Variants in KDM4B observed in about 807,000 individuals in gnomAD.
KDM4B encodes lysine-specific demethylase 4B.
In KDM4B, 32 loss-of-function variants were observed where a neutral mutation model predicts 125.2. The ratio of observed to expected loss-of-function variants is 0.26; its 90% CI spans 0.19 to 0.34. The LOEUF (loss-of-function observed/expected upper bound fraction) is 0.34, where lower values mean the gene tolerates loss of function less well. Ranked by LOEUF, KDM4B falls within the 10% of genes least tolerant of loss-of-function variation. The pLI, the probability that KDM4B is intolerant of heterozygous loss-of-function variation, is 1.00. For missense variants in KDM4B, 1,190 were observed against 1,577.7 expected, an observed-to-expected ratio of 0.75 and a Z score of 4.16; for synonymous variants, 721 against 677.9, an observed-to-expected ratio of 1.06 and a Z score of -0.99.
At position 5,131,154 on chromosome 19, in the gene KDM4B, A is replaced by AGCTGCCGCCCCCGCC; in HGVS notation, c.1395_1409dup (p.Leu466_Pro470dup). ...AAGAGCTTCGGCCTGCTGCCCCCACAGCTGCCGCCCCCGCCTGCTCACTTC... is the reference window on the plus strand; with the variant it reads ...AAGAGCTTCGGCCTGCTGCCCCCACAGCTGCCGCCCCCGCCGCTGCCGCCCCCGCCTGCTCACTTC... On this transcript the variant is annotated inframe_insertion, in exon 12 of 23. Transcript: ENST00000159111. The AGCTGCCGCCCCCGCC allele has an allele frequency of 1.3e-6, 2 of 1,556,794 alleles. No individual in the cohort carries two copies. The highest frequency in any genetic ancestry group is 1.7e-6 in the Non-Finnish European group (2 of 1,151,288).
intron 9 of KDM4B, among the ~76,000 whole-genome samples, chr19:5,098,558 G>A (rs1485913750): frequency 6.6e-6 from 1 of 152,128 alleles, no homozygotes; most frequent in Non-Finnish European, 1.5e-5. Flanking sequence ...CACGAGGTTG[G>A]TCCATCTAGT....
rs568167554 is a variant in KDM4B at position 5,151,322 on chromosome 19, C to T, written c.3115-13C>T. ...TCCACCGTGCTAACCACTGTGCTTC[C>T]GCTCTCCCGCAGTCACTGAGCACGG... On this transcript the variant is annotated splice_polypyrimidine_tract_variant and intron_variant, in intron 22 of 22. Coordinates refer to ENST00000159111, the MANE Select transcript of KDM4B (RefSeq NM_015015.3). The T allele has an allele frequency of 2.2e-5, 34 of 1,516,242 alleles. No individual in the cohort carries two copies. Among genetic ancestry groups the T allele is most frequent in the East Asian group, 1.5e-4 (6 of 39,672 alleles). 93.9% of individuals were successfully genotyped at this position (1,516,242 alleles called of 1,614,324 possible).
intron 6 of KDM4B, among the ~76,000 whole-genome samples, chr19:5,067,869 G>A (rs991397913): frequency 6.6e-6 from 1 of 152,128 alleles, no homozygotes; most frequent in Admixed American, 6.5e-5. Flanking sequence ...GATCTCCTGG[G>A]GTCACGGGCA....
intron 11 of KDM4B, among the ~76,000 whole-genome samples, chr19:5,127,886 C>T (rs741697): frequency 1.3e-5 from 2 of 151,988 alleles, no homozygotes; most frequent in African/African-American, 2.4e-5. Flanking sequence ...CCCCGTTGGT[C>T]GGGGGAGGAT....
At chr19:4,990,923 C>G (rs2035011899) in intron 1 of KDM4B, among the ~76,000 whole-genome samples, 1 of 151,948 alleles carries the variant, frequency 6.6e-6, no homozygotes, top group African/African-American at 2.4e-5. Flanking sequence ...GAGTTCGAGA[C>G]CAGCCTGACC....
chr19:5,073,187 G>A (rs1055564764), intron 7 of KDM4B, among the ~76,000 whole-genome samples: 2 of 152,238 alleles, frequency 1.3e-5, no homozygotes, highest in African/African-American at 2.4e-5. Flanking sequence ...GGGTGCCTTG[G>A]AGTTCCATTT....
At chr19:4,984,735 A>G (rs2034770383) in intron 1 of KDM4B, among the ~76,000 whole-genome samples, 1 of 152,116 alleles carries the variant, frequency 6.6e-6, no homozygotes, top group Non-Finnish European at 1.5e-5. Flanking sequence ...CTTGGTGAGA[A>G]GGATCTGGTT....
chr19:4,987,552 A>G (rs893084649), intron 1 of KDM4B, among the ~76,000 whole-genome samples: 9 of 151,738 alleles, frequency 5.9e-5, no homozygotes, highest in Non-Finnish European at 1.3e-4. Flanking sequence ...TGGAGATGCT[A>G]TTTGTGGTTT....
chr19:5,051,306 C>T (rs1451455838), intron 6 of KDM4B, among the ~76,000 whole-genome samples: 1 of 152,242 alleles, frequency 6.6e-6, no homozygotes, highest in Admixed American at 6.5e-5. Flanking sequence ...GCCCACGCTG[C>T]CTGGGAAAGT....
intron 21 of KDM4B, among the ~76,000 whole-genome samples, chr19:5,149,504 C>A (rs2039909558): frequency 6.6e-6 from 1 of 152,214 alleles, no homozygotes; most frequent in African/African-American, 2.4e-5. Flanking sequence ...AGCGAGCCCT[C>A]TGATATGGGA....
intron 6 of KDM4B, among the ~76,000 whole-genome samples, chr19:5,049,197 G>T (rs939592136): frequency 1.3e-5 from 2 of 152,124 alleles, no homozygotes; most frequent in African/African-American, 4.8e-5. Context: ...GACTGACAGG[G>T]ATGCGCCAGG....
chr19:5,114,116 G>GCCCT lies in KDM4B; in HGVS notation c.1115+3299_1115+3302dup. 1 of 1,289,554 alleles carries GCCCT rather than the reference G, an allele frequency of 7.8e-7. No homozygotes were observed. The highest frequency in any genetic ancestry group is 1.0e-6 in the Non-Finnish European group (1 of 988,772). 79.9% of individuals were successfully genotyped at this position (1,289,554 alleles called of 1,614,324 possible). Reference sequence around the variant, plus strand: ...TCCCGGTGGCGCTGTGCGTTCTGGTGCCCTGCCTGAGCCGGAGCCCTCACA... The same window carrying GCCCT: ...TCCCGGTGGCGCTGTGCGTTCTGGTGCCCTCCCTGCCTGAGCCGGAGCCCTCACA... On this transcript the variant is annotated intron_variant, in intron 10 of 22. Transcript: ENST00000159111. This position sits in a 1 kb window ranked among gnomAD's most constrained non-coding sequence, Gnocchi z 5.8.
chr19:5,051,470 C>T (rs903240921), intron 6 of KDM4B, among the ~76,000 whole-genome samples: 8 of 152,248 alleles, frequency 5.3e-5, no homozygotes, highest in African/African-American at 1.7e-4. Context: ...AGCTTTGGCT[C>T]TCACTGCAGC....
intron 6 of KDM4B, among the ~76,000 whole-genome samples, chr19:5,053,313 T>C (rs1198200338): frequency 2.0e-5 from 3 of 152,096 alleles, no homozygotes; most frequent in Admixed American, 6.5e-5. Context: ...ACCAGACTGA[T>C]GGGGGCAGCC....
chr19:5,134,649 C>T (rs2146071821), intron 14 of KDM4B, among the ~76,000 whole-genome samples: 1 of 152,340 alleles, frequency 6.6e-6, no homozygotes, highest in Non-Finnish European at 1.5e-5. Context: ...CAGGACAGGA[C>T]CTGGCCACAT....
chr19:5,130,470 C>T (rs746694148), intron 11 of KDM4B, among the ~76,000 whole-genome samples: 18 of 152,204 alleles, frequency 1.2e-4, no homozygotes, highest in Non-Finnish European at 2.4e-4. Flanking sequence ...GAGTTCCACG[C>T]GGAAGGGTGT....
intron 1 of KDM4B, among the ~76,000 whole-genome samples, chr19:4,991,587 G>A (rs761274742): frequency 2.6e-5 from 4 of 152,226 alleles, no homozygotes; most frequent in Non-Finnish European, 5.9e-5. Context: ...CTAGGAAATT[G>A]ACACAGGACA....
At chr19:4,992,862 C>T (rs2035072051) in intron 1 of KDM4B, among the ~76,000 whole-genome samples, 1 of 152,144 alleles carries the variant, frequency 6.6e-6, no homozygotes, top group South Asian at 2.1e-4. Context: ...TGGTTAATTT[C>T]CATGTACTTG....
chr19:5,089,630 A>G (rs546015459), intron 9 of KDM4B, among the ~76,000 whole-genome samples: 1 of 151,390 alleles, frequency 6.6e-6, no homozygotes, highest in Admixed American at 6.6e-5. Context: ...TATTAGTTTG[A>G]TGTCATGGAA....
Sources: allele counts gnomAD v4.1 joint callset (sites outside exome capture counted in the v4.1 genomes callset), GRCh38; gene constraint gnomAD v4.1.1; non-coding constraint Gnocchi (gnomAD v3.1); transcripts MANE v1.5; gene names NCBI Gene and HGNC (gene_info 2026-07-23, HGNC 2026-07-21).